DAAM1: variants seen among roughly 807,000 people sequenced by gnomAD.
DAAM1 encodes disheveled-associated activator of morphogenesis 1.
DAAM1 carries 52 observed loss-of-function variants against 130.0 expected under a neutral mutation model. That is an observed-to-expected ratio of 0.40 (90% CI 0.32 to 0.50). The LOEUF is 0.50. Among genes scored for constraint, DAAM1 ranks in the 20% least tolerant of loss-of-function variants. The probability of loss-of-function intolerance (pLI) is 0.61; values close to 1 mark genes in which losing one functional copy is unlikely to be tolerated. For missense variants in DAAM1, 1,134 were observed against 1,303.8 expected, an observed-to-expected ratio of 0.87 and a Z score of 2.01; for synonymous variants, 452 against 444.5, an observed-to-expected ratio of 1.02 and a Z score of -0.21.
intron 1 of DAAM1, among the ~76,000 whole-genome samples, chr14:59,218,764 T>G (rs1160826341): frequency 1.3e-5 from 2 of 152,226 alleles, no homozygotes; most frequent in Non-Finnish European, 2.9e-5. Context: ...TGGTTTCTGA[T>G]TCTTTGGAGA....
chr14:59,325,650 T>G lies in DAAM1; in HGVS notation c.990-14T>G. ...GATGTTCTACTTAATAACTTTTCTTTCATTATTTTTCAGGCATTTAGACTT... is the reference window on the plus strand; with the variant it reads ...GATGTTCTACTTAATAACTTTTCTTGCATTATTTTTCAGGCATTTAGACTT... On this transcript the variant is annotated splice_polypyrimidine_tract_variant and intron_variant, in intron 8 of 24. Transcript: ENST00000360909. 1.9e-6 allele frequency: 3 copies of G among 1,612,084 alleles called. No homozygotes were observed. The highest frequency in any genetic ancestry group is 2.5e-6 in the Non-Finnish European group (3 of 1,178,744).
intron 1 of DAAM1, among the ~76,000 whole-genome samples, chr14:59,230,942 G>A (rs796939296): frequency 7.9e-5 from 12 of 152,178 alleles, no homozygotes; most frequent in African/African-American, 2.6e-4. Flanking sequence ...TATCTTTGTT[G>A]CCAGAATTAA....
chr14:59,227,521 T>C (rs1305448759), intron 1 of DAAM1, among the ~76,000 whole-genome samples: 1 of 152,228 alleles, frequency 6.6e-6, no homozygotes, highest in African/African-American at 2.4e-5. Flanking sequence ...CAACACCTAA[T>C]ATTCCTATAG....
intron 4 of DAAM1, among the ~76,000 whole-genome samples, chr14:59,318,369 G>A (rs923014172): frequency 1.3e-5 from 2 of 151,538 alleles, no homozygotes; most frequent in African/African-American, 4.9e-5. Context: ...CACCTTAGCA[G>A]CTTTGACAGA....
chr14:59,199,315 C>G (rs1342249327), intron 1 of DAAM1, among the ~76,000 whole-genome samples: 1 of 152,158 alleles, frequency 6.6e-6, no homozygotes, highest in Non-Finnish European at 1.5e-5. Context: ...GACATGAGGT[C>G]TTGAACTCCT....
At chr14:59,321,299 G>A (rs1355742957) in intron 5 of DAAM1, among the ~76,000 whole-genome samples, 1 of 152,198 alleles carries the variant, frequency 6.6e-6, no homozygotes, top group African/African-American at 2.4e-5. Context: ...TGGTTGCCAG[G>A]AGCTGAGGAA....
intron 1 of DAAM1, among the ~76,000 whole-genome samples, chr14:59,209,064 A>G (rs1490758253): frequency 2.0e-5 from 3 of 152,262 alleles, no homozygotes; most frequent in Non-Finnish European, 4.4e-5. Flanking sequence ...ATATTTCTTT[A>G]TAACACAAAA....
intron 16 of DAAM1, among the ~76,000 whole-genome samples, chr14:59,344,745 G>A (rs1397396112): frequency 6.6e-6 from 1 of 152,188 alleles, no homozygotes; most frequent in African/African-American, 2.4e-5. Context: ...GCCTCTGGGG[G>A]TTGAGGAGCA....
intron 1 of DAAM1, among the ~76,000 whole-genome samples, chr14:59,206,319 A>T (rs1018857589): frequency 2.0e-5 from 3 of 152,048 alleles, no homozygotes; most frequent in African/African-American, 7.2e-5. Context: ...TCTGTCGCCC[A>T]GTCTGGAGTA....
rs1419020383 is a variant in DAAM1, at chr14:59,331,338, C to T, written c.1690C>T (p.Pro564Ser). The change falls in exon 14 of 25, where the codon CCT becomes TCT. Residue 564 changes from proline (P) to serine (S), a missense_variant. By Grantham distance (74) the Pro-to-Ser change is moderately conservative (BLOSUM62 -1). Transcript: ENST00000360909. ...PPPLPGGMLP[P>S]PPPPLPPGGP... ...ACCTCTACCAGGTGGGATGCTTCCC[C>T]CTCCACCGCCTCCCCTCCCTCCAGG... The T allele has an allele frequency of 2.5e-6, 4 of 1,611,906 alleles. No individual in the cohort carries two copies. The highest frequency in any genetic ancestry group is 2.2e-5 in the South Asian group (2 of 90,944).
At chr14:59,341,155 T>A (rs916547270) in intron 16 of DAAM1, among the ~76,000 whole-genome samples, 5 of 152,228 alleles carry the variant, frequency 3.3e-5, no homozygotes, top group African/African-American at 1.2e-4. Flanking sequence ...AAATGTTTCT[T>A]TTAATGAAGA....
chr14:59,309,127 T>A (rs141655236), intron 3 of DAAM1, among the ~76,000 whole-genome samples: 43 of 152,296 alleles, frequency 2.8e-4, no homozygotes, highest in Admixed American at 1.9e-3. Context: ...TTGGAGGGAA[T>A]GAGGAAAGCA....
Position 59,355,154 on chromosome 14 carries a change from T to A in DAAM1, c.2357-11T>A. On this transcript the variant is annotated splice_polypyrimidine_tract_variant and intron_variant, in intron 19 of 24. Coordinates refer to ENST00000360909, the MANE Select transcript of DAAM1 (RefSeq NM_001270520.2). ...CTTGGTAATCATGTTTTTATGTGTTTTGTTTTGAAGCAATTCGTTCTGGCT... is the reference window on the plus strand; with the variant it reads ...CTTGGTAATCATGTTTTTATGTGTTATGTTTTGAAGCAATTCGTTCTGGCT... 5 of 1,603,220 alleles carry A rather than the reference T, an allele frequency of 3.1e-6. No homozygotes were observed. Among genetic ancestry groups the A allele is most frequent in the Non-Finnish European group, 4.3e-6 (5 of 1,174,222 alleles).
At chr14:59,312,144 T>C (rs1385165730) in intron 3 of DAAM1, among the ~76,000 whole-genome samples, 2 of 152,238 alleles carry the variant, frequency 1.3e-5, no homozygotes, top group East Asian at 3.8e-4. Context: ...GGTCAAAGGC[T>C]ATCTGGATTT....
At position 59,369,665 on chromosome 14, in the gene DAAM1, CT is replaced by C. The variant is rs1887071985; in HGVS notation, c.*807del. On this transcript the variant is annotated 3_prime_UTR_variant, in exon 25 of 25. Transcript: ENST00000360909. ...ACAACATTGCCAGAGTATGCTTGTT[CT>C]AACAATATAGATATATAAACCTTAA... 1 of 142,310 alleles carries C rather than the reference CT, an allele frequency of 7.0e-6. No homozygotes were observed. Among genetic ancestry groups the C allele is most frequent in the South Asian group, 2.2e-4 (1 of 4,488 alleles). The allele number at this position is 142,310 out of a possible 1,614,324, so 8.8% of individuals were successfully genotyped here.
At chr14:59,197,895 T>G (rs1887955355) in intron 1 of DAAM1, among the ~76,000 whole-genome samples, 1 of 152,158 alleles carries the variant, frequency 6.6e-6, no homozygotes, top group African/African-American at 2.4e-5. Context: ...TCTTCCCCCC[T>G]TAACCCTCTA....
intron 1 of DAAM1, among the ~76,000 whole-genome samples, chr14:59,246,836 GT>G (rs1462813140): frequency 6.6e-6 from 1 of 152,090 alleles, no homozygotes; most frequent in Non-Finnish European, 1.5e-5. Flanking sequence ...ACGCATGTTG[GT>G]CATTTGTATG....
chr14:59,351,296 A>C (rs1282559223), intron 17 of DAAM1, among the ~76,000 whole-genome samples: 2 of 152,152 alleles, frequency 1.3e-5, no homozygotes. Context: ...CTATCTAATC[A>C]TTTTTAATCT....
intron 8 of DAAM1, among the ~76,000 whole-genome samples, 176 bp from the exon 9 acceptor site, chr14:59,325,488 G>A (rs887132254): frequency 2.0e-5 from 3 of 152,136 alleles, no homozygotes; most frequent in Non-Finnish European, 2.9e-5. Flanking sequence ...TTTCGCTCAG[G>A]TGATGTCTTT....
Sources: allele counts gnomAD v4.1 joint callset (sites outside exome capture counted in the v4.1 genomes callset), GRCh38; gene constraint gnomAD v4.1.1; transcripts MANE v1.5; gene names NCBI Gene and HGNC (gene_info 2026-07-23, HGNC 2026-07-21).